The following FLVCR1 variants were observed in gnomAD, a reference collection of about 807,000 sequenced individuals.
The protein encoded by FLVCR1 is FLVCR choline and heme transporter 1.
A neutral mutation model predicts 53.6 loss-of-function variants in FLVCR1; 34 were observed. The observed-to-expected ratio is 0.63, with a 90% CI of 0.48 to 0.84. FLVCR1 has a LOEUF of 0.84. Ranked by LOEUF, FLVCR1 falls within the 40% of genes least tolerant of loss-of-function variation. FLVCR1 has a pLI of 0.00. For synonymous variants in FLVCR1, 300 were observed against 286.3 expected, an observed-to-expected ratio of 1.05 and a Z score of -0.48; for missense variants, 677 against 696.7, an observed-to-expected ratio of 0.97 and a Z score of 0.32.
At chr1:212,884,342 C>T (rs912303636) in intron 4 of FLVCR1, among the ~76,000 whole-genome samples, 2 of 151,778 alleles carry the variant, frequency 1.3e-5, no homozygotes, top group Non-Finnish European at 2.9e-5. Context: ...CCTGTAATCC[C>T]AGCCAAGATA....
intron 1 of FLVCR1, 74 bp downstream of exon 1, chr1:212,859,264 G>T: frequency 6.2e-7 from 1 of 1,601,594 alleles, no homozygotes; most frequent in Non-Finnish European, 8.5e-7. Flanking sequence ...GAGAACTATG[G>T]CCTGTATGGA....
intron 2 of FLVCR1, among the ~76,000 whole-genome samples, chr1:212,865,830 T>TA (rs1190268180): frequency 6.7e-6 from 1 of 149,082 alleles, no homozygotes; most frequent in Non-Finnish European, 1.5e-5. Flanking sequence ...TTTTTTTTTT[T>TA]ATCAAGACGG....
At chr1:212,888,709 G>A (rs1387322100) in intron 7 of FLVCR1, 115 bp downstream of exon 7, 5 of 859,554 alleles carry the variant, frequency 5.8e-6, no homozygotes, top group Non-Finnish European at 9.5e-6. Context: ...TTTGGAGACA[G>A]AGTCTTGCTC....
Position 212,881,150 on chromosome 1 carries a change from A to G in FLVCR1, c.1025-2221A>G, listed in dbSNP as rs556675415. On this transcript the variant is annotated intron_variant, in intron 3 of 9. Transcript: ENST00000366971. ...ATTGTCCCAGGATAATTGATTGTCC[A>G]TATGGGAAAAATAAACTAAAATTAG... Among the ~76,000 whole-genome samples, 8 of 152,346 alleles carry G rather than the reference A, an allele frequency of 5.3e-5. No homozygotes were observed. In the South Asian group the frequency reaches 1.0e-3, roughly 20 times the overall value.
intron 1 of FLVCR1, 40 bp from the exon 2 acceptor site, chr1:212,863,685 C>G (rs754753446): frequency 1.9e-6 from 3 of 1,602,004 alleles, no homozygotes; most frequent in African/African-American, 2.7e-5. Flanking sequence ...ACTTTTTTCT[C>G]TAATGATAAT....
chr1:212,886,199 AC>A (rs1665061393), intron 5 of FLVCR1, among the ~76,000 whole-genome samples: 1 of 151,028 alleles, frequency 6.6e-6, no homozygotes, highest in Non-Finnish European at 1.5e-5. Context: ...GCGCCACCAC[AC>A]CCGGCTAATT....
chr1:212,866,439 A>G (rs1200591450), intron 2 of FLVCR1, among the ~76,000 whole-genome samples: 1 of 148,412 alleles, frequency 6.7e-6, no homozygotes, highest in East Asian at 2.0e-4. Context: ...CTTTCTTTTG[A>G]TTACTTTTGT....
intron 1 of FLVCR1, among the ~76,000 whole-genome samples, chr1:212,861,329 G>A (rs189391954): frequency 1.2e-3 from 187 of 152,274 alleles, no homozygotes; most frequent in Middle Eastern, 3.4e-3. Context: ...TTCTTATTCA[G>A]ATCTTTGCTC....
chr1:212,864,323 AGTGAATG>A, intron 2 of FLVCR1: 1 of 262,962 alleles, frequency 3.8e-6, no homozygotes, highest in Admixed American at 5.1e-5. Flanking sequence ...AATGTTGACT[AGTGAATG>A]GTCCTGGGCA....
intron 2 of FLVCR1, among the ~76,000 whole-genome samples, chr1:212,865,980 G>GTTTTTTT (rs1491202805): frequency 6.2e-5 from 2 of 32,090 alleles, no homozygotes; most frequent in Non-Finnish European, 8.8e-5. Context: ...TTTGGGGTTT[G>GTTTTTTT]GTTTTTTTTT....
Position 212,899,227 on chromosome 1 carries a change from G to A in FLVCR1, c.*3937G>A, listed in dbSNP as rs376324920. On this transcript the variant is annotated 3_prime_UTR_variant, in exon 10 of 10. Transcript: ENST00000366971. ...AAAATATGTTTGTGTGTAAAAATGT[G>A]TCTGTATGCAATAGCTAGAAAAATG... The A allele has an allele frequency of 1.2e-4, 19 of 152,322 alleles. 1 individual carries two copies. Among genetic ancestry groups the A allele is most frequent in the Admixed American group, 3.9e-4 (6 of 15,306 alleles). 9.4% of individuals were successfully genotyped at this position (152,322 alleles called of 1,614,324 possible). A position where few individuals can be genotyped will look rare whatever the true frequency, so the allele number is the denominator to read the frequency against.
At chr1:212,886,628 C>T (rs1282538870) in intron 5 of FLVCR1, among the ~76,000 whole-genome samples, 1 of 151,840 alleles carries the variant, frequency 6.6e-6, no homozygotes, top group Non-Finnish European at 1.5e-5. Flanking sequence ...GGTGAAACGC[C>T]ATCTCTACTG....
At position 212,895,248 on chromosome 1, in the gene FLVCR1, A is replaced by G. The variant is rs888869006; in HGVS notation, c.1626A>G (p.Pro542=). The change falls in exon 10 of 10, where the codon CCA becomes CCG. Residue 542 remains proline (P), a synonymous_variant. Transcript: ENST00000366971. ...IPADSPTDQE[P]KTVMLSKQSE... ...CTGACAGTCCCACAGACCAAGAACC[A>G]AAAACGGTTATGTTGTCCAAGCAGT... is the stretch of plus-strand genomic sequence containing the variant. 1 of 1,612,944 alleles carries G rather than the reference A, an allele frequency of 6.2e-7. No individual in the cohort carries two copies. Among genetic ancestry groups the G allele is most frequent in the Non-Finnish European group, 8.5e-7 (1 of 1,179,110 alleles).
rs114795134 is a variant in FLVCR1, at chr1:212,898,516, T to C, written c.*3226T>C. The C allele has an allele frequency of 2.0e-3, 298 of 152,350 alleles. 1 individual carries two copies. Among genetic ancestry groups the C allele is most frequent in the African/African-American group, 6.9e-3 (286 of 41,590 alleles). The allele number at this position is 152,350 out of a possible 1,614,324, so 9.4% of individuals were successfully genotyped here. A position where few individuals can be genotyped will look rare whatever the true frequency, so the allele number is the denominator to read the frequency against. On this transcript the variant is annotated 3_prime_UTR_variant, in exon 10 of 10. Transcript: ENST00000366971. Reference sequence around the variant, plus strand: ...AAATTACACATAAAATTTAGAATACTTTATTTCTGAAAAGCATATACATAT... The same window carrying C: ...AAATTACACATAAAATTTAGAATACCTTATTTCTGAAAAGCATATACATAT...
At chr1:212,883,501 G>A (rs1664975788) in intron 4 of FLVCR1, 63 bp downstream of exon 4, 2 of 850,924 alleles carry the variant, frequency 2.4e-6, no homozygotes, top group South Asian at 2.8e-5. Flanking sequence ...CAATATAATT[G>A]TCGTTAGCAG....
Position 212,895,490 on chromosome 1 carries a change from G to A in FLVCR1, c.*200G>A. The A allele has an allele frequency of 1.7e-6, 1 of 600,724 alleles. No homozygotes were observed. The highest frequency in any genetic ancestry group is 3.0e-6 in the Non-Finnish European group (1 of 334,726). 37.2% of individuals were successfully genotyped at this position (600,724 alleles called of 1,614,324 possible). A position where few individuals can be genotyped will look rare whatever the true frequency, so the allele number is the denominator to read the frequency against. ...AGGGAAATTTTCTTAAAATTCTTCT[G>A]TTTACATCATGTTAACACTACTGTT... On this transcript the variant is annotated 3_prime_UTR_variant, in exon 10 of 10. Coordinates refer to ENST00000366971, the MANE Select transcript of FLVCR1 (RefSeq NM_014053.4).
chr1:212,880,956 C>T (rs534237613), intron 3 of FLVCR1, among the ~76,000 whole-genome samples: 1 of 152,250 alleles, frequency 6.6e-6, no homozygotes, highest in South Asian at 2.1e-4. Flanking sequence ...GTAAATGCTT[C>T]CATGATTACT....
chr1:212,862,428 A>C (rs149885383), intron 1 of FLVCR1, among the ~76,000 whole-genome samples: 18 of 152,106 alleles, frequency 1.2e-4, no homozygotes, highest in African/African-American at 3.9e-4. Flanking sequence ...ATCATACAGT[A>C]GGTGACCTTT....
At chr1:212,868,803 C>CA (rs1393063979) in intron 2 of FLVCR1, among the ~76,000 whole-genome samples, 3 of 151,936 alleles carry the variant, frequency 2.0e-5, no homozygotes, top group Non-Finnish European at 4.4e-5. Flanking sequence ...AAATATTCCT[C>CA]AAAAAAAGAC....
Sources: allele counts gnomAD v4.1 joint callset (sites outside exome capture counted in the v4.1 genomes callset), GRCh38; gene constraint gnomAD v4.1.1; transcripts MANE v1.5; gene names NCBI Gene and HGNC (gene_info 2026-07-23, HGNC 2026-07-21).